The following ANKRD31 variants were observed in gnomAD, a reference collection of about 807,000 sequenced individuals.
ANKRD31 encodes ankyrin repeat domain-containing protein 31.
Under a neutral mutation model 186.0 loss-of-function variants are expected in ANKRD31, and 147 were observed. The ratio of observed to expected loss-of-function variants is 0.79; its 90% CI spans 0.69 to 0.91. ANKRD31 has a LOEUF of 0.91. Among genes scored for constraint, ANKRD31 ranks in the 40% least tolerant of loss-of-function variants. The pLI, the probability that ANKRD31 is intolerant of heterozygous loss-of-function variation, is 0.00. For synonymous variants in ANKRD31, 673 were observed against 736.4 expected (o/e 0.91, Z 1.39); for missense variants, 1,986 against 2,148.8 (o/e 0.92, Z 1.50).
At chr5:75,114,959 G>A (rs946342432) in intron 19 of ANKRD31, among the ~76,000 whole-genome samples, 3 of 152,158 alleles carry the variant, frequency 2.0e-5, no homozygotes, top group African/African-American at 4.8e-5. Context: ...AGTCAATCCT[G>A]AGCCAAAAGA....
Position 75,116,682 on chromosome 5 carries a change from C to T in ANKRD31, c.4040-1G>A. On this transcript the variant is annotated splice_acceptor_variant, in intron 18 of 25. Transcript: ENST00000506364. LOFTEE classifies it high-confidence loss of function. ...TTAGACCGGACAGCAGGAATTTTTT[C>T]TTTAAAAAGTAAAATTAGAAAATAT... is the stretch of plus-strand genomic sequence containing the variant. 3 of 1,386,470 alleles carry T rather than the reference C, an allele frequency of 2.2e-6. No homozygotes were observed. The highest frequency in any genetic ancestry group is 2.8e-6 in the Non-Finnish European group (3 of 1,061,338). 85.9% of individuals were successfully genotyped at this position (1,386,470 alleles called of 1,614,324 possible). A position where few individuals can be genotyped will look rare whatever the true frequency, so the allele number is the denominator to read the frequency against.
intron 25 of ANKRD31, among the ~76,000 whole-genome samples, 195 bp downstream of exon 25, chr5:75,080,373 A>T (rs1286896286): frequency 6.6e-6 from 1 of 152,210 alleles, no homozygotes; most frequent in East Asian, 1.9e-4. Context: ...TATAAGAAGT[A>T]AGAGTTCATA....
At chr5:75,109,870 G>T (rs959589425) in intron 20 of ANKRD31, among the ~76,000 whole-genome samples, 1 of 152,128 alleles carries the variant, frequency 6.6e-6, no homozygotes, top group Non-Finnish European at 1.5e-5. Context: ...AGAGGGCACA[G>T]GGAAAGGGCA....
chr5:75,222,657 T>A (rs956359037), intron 2 of ANKRD31, among the ~76,000 whole-genome samples: 1 of 152,180 alleles, frequency 6.6e-6, no homozygotes, highest in African/African-American at 2.4e-5. Context: ...TGTGTCCATG[T>A]GTTCTCAACG....
chr5:75,122,149 A>G (rs1387026086), intron 17 of ANKRD31, among the ~76,000 whole-genome samples: 1 of 152,152 alleles, frequency 6.6e-6, no homozygotes, highest in Non-Finnish European at 1.5e-5. Flanking sequence ...CCACAGAGAT[A>G]CAAAAGATCA....
At chr5:75,152,582 A>G (rs549852796) in intron 12 of ANKRD31, among the ~76,000 whole-genome samples, 3 of 152,132 alleles carry the variant, frequency 2.0e-5, no homozygotes, top group Non-Finnish European at 4.4e-5. Flanking sequence ...GCACATATGG[A>G]TCTCTTGAAT....
At chr5:75,173,726 T>TGA (rs1394019285) in intron 10 of ANKRD31, among the ~76,000 whole-genome samples, 1 of 151,632 alleles carries the variant, frequency 6.6e-6, no homozygotes, top group Admixed American at 6.6e-5. Flanking sequence ...CTCAATGAAA[T>TGA]AAGAGGAGAC....
chr5:75,232,897 T>C (rs549469328), intron 1 of ANKRD31, among the ~76,000 whole-genome samples: 22 of 152,248 alleles, frequency 1.4e-4, no homozygotes, highest in Admixed American at 2.0e-4. Flanking sequence ...AAAAGAAACA[T>C]TTCTCAATAG....
chr5:75,097,263 T>C (rs950860923), intron 22 of ANKRD31, among the ~76,000 whole-genome samples: 13 of 152,232 alleles, frequency 8.5e-5, no homozygotes, highest in African/African-American at 3.1e-4. Context: ...TGAACTAGTT[T>C]ACAGTGCCAC....
chr5:75,236,192 A>G (rs141667687), intron 1 of ANKRD31, among the ~76,000 whole-genome samples: 579 of 152,288 alleles, frequency 3.8e-3, no homozygotes, highest in African/African-American at 0.013. Flanking sequence ...CTTGAGAGAA[A>G]CTGTTACCCA....
intron 4 of ANKRD31, among the ~76,000 whole-genome samples, chr5:75,208,906 C>T (rs1408171120): frequency 1.3e-5 from 2 of 152,228 alleles, no homozygotes; most frequent in African/African-American, 4.8e-5. Context: ...AACCACACTC[C>T]TGTGATTTTC....
chr5:75,236,360 AC>A (rs1758274713), intron 1 of ANKRD31, among the ~76,000 whole-genome samples: 1 of 152,228 alleles, frequency 6.6e-6, no homozygotes, highest in Admixed American at 6.5e-5. Flanking sequence ...GCCACCTAGT[AC>A]AAACCTCATT....
At chr5:75,083,088 T>C (rs191299466) in intron 24 of ANKRD31, among the ~76,000 whole-genome samples, 4 of 152,334 alleles carry the variant, frequency 2.6e-5, no homozygotes, top group Admixed American at 2.0e-4. Context: ...ATCTTGGGGA[T>C]TGGCCCAAGT....
At chr5:75,229,058 AAAAAGATTTTTTT>A (rs1183529885) in intron 2 of ANKRD31, among the ~76,000 whole-genome samples, 3 of 152,216 alleles carry the variant, frequency 2.0e-5, no homozygotes, top group African/African-American at 7.2e-5. Context: ...CATCCTCCAA[AAAAAGATTTTTTT>A]AAAGGCTCAC....
At chr5:75,116,750 T>C in intron 18 of ANKRD31, 69 bp from the exon 19 acceptor site, 1 of 841,630 alleles carries the variant, frequency 1.2e-6, no homozygotes, top group Non-Finnish European at 1.6e-6. Context: ...TCAGTTTTAA[T>C]GTGATGGGGA....
At chr5:75,150,834 C>G (rs1216249719) in intron 12 of ANKRD31, among the ~76,000 whole-genome samples, 2 of 152,082 alleles carry the variant, frequency 1.3e-5, no homozygotes, top group South Asian at 4.2e-4. Context: ...TTGCCTCCAA[C>G]TGAATTTTAT....
At chr5:75,095,614 C>A (rs1039096779) in intron 22 of ANKRD31, among the ~76,000 whole-genome samples, 1 of 152,202 alleles carries the variant, frequency 6.6e-6, no homozygotes, top group African/African-American at 2.4e-5. Context: ...AATCACACTG[C>A]ATATGCTACC....
At chr5:75,081,982 T>C (rs1745119939) in intron 24 of ANKRD31, among the ~76,000 whole-genome samples, 1 of 152,196 alleles carries the variant, frequency 6.6e-6, no homozygotes, top group African/African-American at 2.4e-5. Flanking sequence ...ATTAGATAGG[T>C]AGTCAGCTTA....
chr5:75,115,347 G>C (rs1464933654), intron 19 of ANKRD31, among the ~76,000 whole-genome samples: 1 of 151,988 alleles, frequency 6.6e-6, no homozygotes, highest in Non-Finnish European at 1.5e-5. Context: ...CATAGGCATG[G>C]GCAAGCACTT....
Sources: allele counts gnomAD v4.1 joint callset (sites outside exome capture counted in the v4.1 genomes callset), GRCh38; gene constraint gnomAD v4.1.1; transcripts MANE v1.5; gene names NCBI Gene and HGNC (gene_info 2026-07-23, HGNC 2026-07-21).